ITPR1: variants seen among roughly 807,000 people sequenced by gnomAD.
ITPR1 encodes the protein inositol 1,4,5-trisphosphate-gated calcium channel ITPR1.
In ITPR1, 96 loss-of-function variants were observed where a neutral mutation model predicts 318.4. The ratio of observed to expected loss-of-function variants is 0.30; its 90% CI spans 0.26 to 0.36. ITPR1 has a LOEUF of 0.36. Ranked by LOEUF, ITPR1 falls within the 10% of genes least tolerant of loss-of-function variation. The pLI is 1.00. For synonymous variants in ITPR1, 1,312 were observed against 1,289.9 expected, an observed-to-expected ratio of 1.02 and a Z score of -0.37; for missense variants, 2,440 against 3,460.2, an observed-to-expected ratio of 0.71 and a Z score of 7.40.
chr3:4,778,893 T>C (rs1281263285), intron 48 of ITPR1, among the ~76,000 whole-genome samples: 1 of 152,144 alleles, frequency 6.6e-6, no homozygotes, highest in Non-Finnish European at 1.5e-5. Context: ...GCATACAAAG[T>C]ATCATAGACC....
rs146563998 is a variant in ITPR1 at position 4,837,274 on chromosome 3, A to G, written c.8190+339A>G. Among the ~76,000 whole-genome samples, 1,011 of 152,244 alleles carry G rather than the reference A, an allele frequency of 6.6e-3. 6 individuals are homozygous for G. Among genetic ancestry groups the G allele is most frequent in the Non-Finnish European group, 0.011 (744 of 67,992 alleles). ...CATAAAGCCATACCCTTTTTACTTT[A>G]TGTACTGTGGAAGATTAAAAGCTGT... On this transcript the variant is annotated intron_variant, in intron 61 of 61. Coordinates refer to ENST00000649015, the MANE Select transcript of ITPR1 (RefSeq NM_001378452.1).
intron 40 of ITPR1, among the ~76,000 whole-genome samples, chr3:4,721,181 T>TATATATATATATATATATATAG (rs2042136988): frequency 8.6e-5 from 1 of 11,596 alleles, no homozygotes; most frequent in African/African-American, 1.2e-4. Context: ...TGTATATATA[T>TATATATATATATATATATATAG]ATATATATAT....
At chr3:4,800,940 CA>C (rs929733970) in intron 54 of ITPR1, among the ~76,000 whole-genome samples, 77 of 152,210 alleles carry the variant, frequency 5.1e-4, no homozygotes, top group African/African-American at 1.5e-3. Flanking sequence ...AGATTTTAGA[CA>C]ATAAGTGAAA....
chr3:4,844,837 C>A (rs2051639186), intron 61 of ITPR1, among the ~76,000 whole-genome samples: 1 of 152,198 alleles, frequency 6.6e-6, no homozygotes, highest in African/African-American at 2.4e-5. Flanking sequence ...AGCATCTCCA[C>A]AGGAGCCTAA....
Position 4,686,648 on chromosome 3 carries a change from C to T in ITPR1, c.3702+1442C>T, listed in dbSNP as rs770301559. Among the ~76,000 whole-genome samples the T allele has an allele frequency of 2.3e-4, 35 of 152,128 alleles. 1 individual carries two copies. Among genetic ancestry groups the T allele is most frequent in the African/African-American group, 5.8e-4 (24 of 41,422 alleles). On this transcript the variant is annotated intron_variant, in intron 30 of 61. Coordinates refer to ENST00000649015, the MANE Select transcript of ITPR1 (RefSeq NM_001378452.1). Reference sequence around the variant, plus strand: ...GTATATCTGTGTGTGTACATGTGCACGCTTTTGTTTGCTTTTGGATGGGCA... The same window carrying T: ...GTATATCTGTGTGTGTACATGTGCATGCTTTTGTTTGCTTTTGGATGGGCA...
chr3:4,680,635 A>C lies in ITPR1; in HGVS notation c.3050A>C (p.Gln1017Pro). 1 of 1,613,888 alleles carries C rather than the reference A, an allele frequency of 6.2e-7. No individual in the cohort carries two copies. The highest frequency in any genetic ancestry group is 2.2e-5 in the East Asian group (1 of 44,878). The change falls in exon 25 of 62, where the codon CAG becomes CCG. Residue 1017 changes from glutamine (Q) to proline (P), a missense_variant. Around this residue, in one of 23 missense-constraint regions of ITPR1, gnomAD observed 57 missense variants for 46.2 expected, o/e 1.23. Transcript: ENST00000649015. ...FKREFDESNSQTSETSSGNSS... is the reference protein window; with the variant it reads ...FKREFDESNSPTSETSSGNSS... ...CGAGAGTTTGATGAAAGCAATTCCCAGACTTCAGAAACATCCTCCGGAAAC... is the reference window on the plus strand; with the variant it reads ...CGAGAGTTTGATGAAAGCAATTCCCCGACTTCAGAAACATCCTCCGGAAAC...
chr3:4,631,416 A>T (rs1434169047), intron 5 of ITPR1, among the ~76,000 whole-genome samples: 1 of 152,158 alleles, frequency 6.6e-6, no homozygotes, highest in Non-Finnish European at 1.5e-5. Flanking sequence ...GTATGTTACT[A>T]TTCCCCATTT....
At chr3:4,783,962 C>G (rs572759505) in intron 51 of ITPR1, 42 bp downstream of exon 51, 3 of 1,382,300 alleles carry the variant, frequency 2.2e-6, no homozygotes, top group Admixed American at 2.0e-5. Flanking sequence ...TGTGTTGAGG[C>G]CATTAGTGTG....
intron 2 of ITPR1, among the ~76,000 whole-genome samples, chr3:4,505,608 C>T (rs1287802713): frequency 6.6e-6 from 1 of 152,124 alleles, no homozygotes; most frequent in Non-Finnish European, 1.5e-5. Context: ...GTGGATATGC[C>T]AAGAAAGAAT....
intron 4 of ITPR1, among the ~76,000 whole-genome samples, chr3:4,563,848 G>GTTGCTGCA (rs943217140): frequency 7.9e-5 from 12 of 152,230 alleles, no homozygotes; most frequent in African/African-American, 2.9e-4. Flanking sequence ...GTTTGCTAGG[G>GTTGCTGCA]TTGCTGCAAC....
chr3:4,836,648 C>A (rs1261564043), intron 60 of ITPR1, 126 bp from the exon 61 acceptor site: 8 of 944,562 alleles, frequency 8.5e-6, no homozygotes, highest in African/African-American at 1.7e-5. Flanking sequence ...ATAAGTTCTG[C>A]CATAGAAGGA....
At chr3:4,547,014 CT>C (rs1392494590) in intron 4 of ITPR1, among the ~76,000 whole-genome samples, 2 of 152,132 alleles carry the variant, frequency 1.3e-5, no homozygotes, top group African/African-American at 4.8e-5. Flanking sequence ...CGCTCTTGAC[CT>C]GTCTGGGCCT....
intron 4 of ITPR1, among the ~76,000 whole-genome samples, chr3:4,612,706 G>A (rs894158431): frequency 6.6e-6 from 1 of 152,016 alleles, no homozygotes; most frequent in Non-Finnish European, 1.5e-5. Context: ...GGCCAACGTG[G>A]CGAACCCCCG....
intron 32 of ITPR1, among the ~76,000 whole-genome samples, chr3:4,691,654 G>A (rs1345432413): frequency 8.4e-6 from 1 of 118,876 alleles, no homozygotes; most frequent in Non-Finnish European, 2.1e-5. Flanking sequence ...AGGACCCAGT[G>A]AGCCAGAACG....
chr3:4,676,605 C>T lies in ITPR1; in HGVS notation c.2780-9C>T, dbSNP rs759746236. ...CATTGTGACCGTGGTCTCTCCTGGC[C>T]TTTCCTAGGCAGTAACGTGATGAGA... is the stretch of plus-strand genomic sequence containing the variant. On this transcript the variant is annotated splice_polypyrimidine_tract_variant and intron_variant, in intron 23 of 61. Transcript: ENST00000649015. The T allele has an allele frequency of 1.2e-6, 2 of 1,612,538 alleles. No homozygotes were observed. Among genetic ancestry groups the T allele is most frequent in the Admixed American group, 1.7e-5 (1 of 59,928 alleles).
Position 4,800,425 on chromosome 3 carries a change from G to C in ITPR1, c.6932G>C (p.Gly2311Ala). The C allele has an allele frequency of 6.2e-7, 1 of 1,613,128 alleles. No individual in the cohort carries two copies. Among genetic ancestry groups the C allele is most frequent in the South Asian group, 1.1e-5 (1 of 90,906 alleles). Residue 2311 changes from glycine to alanine, a missense_variant and splice_region_variant, in exon 54 of 62, where the codon GGA becomes GCA. Coordinates refer to ENST00000649015, the MANE Select transcript of ITPR1 (RefSeq NM_001378452.1). ...FFYPFKGVRGGTLEPHWSGLL... is the reference protein window; with the variant it reads ...FFYPFKGVRGATLEPHWSGLL... ...AGAGAACCCTGTTTTGTCCTTGCAG[G>C]AACCCTGGAGCCCCACTGGTCGGGA...
intron 4 of ITPR1, among the ~76,000 whole-genome samples, chr3:4,523,453 A>G (rs1285015129): frequency 6.6e-6 from 1 of 151,634 alleles, no homozygotes; most frequent in East Asian, 1.9e-4. Flanking sequence ...AGAACATTTA[A>G]AAACTACTCT....
chr3:4,674,225 A>G lies in ITPR1; in HGVS notation c.2480A>G (p.Lys827Arg). The change falls in exon 22 of 62, where the codon AAA (lysine) becomes AGA (arginine). Residue 827 changes from lysine to arginine, a missense_variant. Transcript: ENST00000649015. ...IDDYDSSGAS[K>R]DEIKERFAQT... ...AGCTATGATAGTAGTGGAGCTTCCA[A>G]AGATGAAATTAAGGAGAGATTTGCT... 1 of 1,554,968 alleles carries G rather than the reference A, an allele frequency of 6.4e-7. No individual in the cohort carries two copies. Among genetic ancestry groups the G allele is most frequent in the Non-Finnish European group, 8.7e-7 (1 of 1,148,826 alleles).
At chr3:4,582,303 G>A (rs1215370125) in intron 4 of ITPR1, among the ~76,000 whole-genome samples, 1 of 152,090 alleles carries the variant, frequency 6.6e-6, no homozygotes, top group African/African-American at 2.4e-5. Context: ...TTAATTTAAT[G>A]CCTAGAGGCC....
Sources: allele counts gnomAD v4.1 joint callset (sites outside exome capture counted in the v4.1 genomes callset), GRCh38; gene constraint gnomAD v4.1.1; regional missense constraint gnomAD v4.1.1; transcripts MANE v1.5; gene names NCBI Gene and HGNC (gene_info 2026-07-23, HGNC 2026-07-21).